PRMT9: variants seen among roughly 807,000 people sequenced by gnomAD.
PRMT9 encodes the protein protein arginine methyltransferase 9.
PRMT9 carries 59 observed loss-of-function variants against 83.2 expected under a neutral mutation model. That is an observed-to-expected ratio of 0.71 (90% CI 0.57 to 0.88). The LOEUF is 0.88. Ranked by LOEUF, PRMT9 falls within the 40% of genes least tolerant of loss-of-function variation. The probability of loss-of-function intolerance (pLI) is 0.00; values close to 1 mark genes in which losing one functional copy is unlikely to be tolerated. For synonymous variants in PRMT9, 333 were observed against 353.2 expected, an observed-to-expected ratio of 0.94 and a Z score of 0.64; for missense variants, 947 against 1,021.9, an observed-to-expected ratio of 0.93 and a Z score of 1.00.
rs1735510864 is a variant in PRMT9 at position 147,668,574 on chromosome 4, C to G, written c.918G>C (p.Met306Ile). The G allele has an allele frequency of 6.2e-7, 1 of 1,610,902 alleles. No individual in the cohort carries two copies. The highest frequency in any genetic ancestry group is 1.1e-5 in the South Asian group (1 of 91,034). ...TTCTTATCTCTGCACATTCTACTGCCATCCCAAATATAACAGCACTTGCTG... is the reference window on the plus strand; with the variant it reads ...TTCTTATCTCTGCACATTCTACTGCGATCCCAAATATAACAGCACTTGCTG... Reference protein sequence around the residue: ...VIPASAVIFGMAVECAEIRRH... With the variant: ...VIPASAVIFGIAVECAEIRRH... The change falls in exon 6 of 12, where the codon ATG (methionine) becomes ATC (isoleucine). Residue 306 changes from methionine to isoleucine, a missense_variant. Transcript: ENST00000322396.
chr4:147,660,848 GA>G lies in PRMT9; in HGVS notation c.1143del (p.Gln382ArgfsTer3), dbSNP rs767264426. 6.2e-7 allele frequency: 1 copy of G among 1,608,288 alleles called. No individual in the cohort carries two copies. Among genetic ancestry groups the G allele is most frequent in the Non-Finnish European group, 8.5e-7 (1 of 1,175,032 alleles). On this transcript the variant is annotated frameshift_variant, in exon 7 of 12. Coordinates refer to ENST00000322396, the MANE Select transcript of PRMT9 (RefSeq NM_138364.4). LOFTEE classifies it high-confidence loss of function. ...AATAGTAACTGAATTTTTTTCACCT[GA>G]AGGTTGTTGAAATCTACTGTCATAA... Reference protein sequence around the residue: ...FEIMTVDFNNLQELKSLATKK... With the variant: ...FEIMTVDFNNXQELKSLATKK...
intron 1 of PRMT9, among the ~76,000 whole-genome samples, chr4:147,681,602 C>G (rs570797586): frequency 5.9e-5 from 9 of 152,146 alleles, no homozygotes; most frequent in African/African-American, 2.2e-4. Context: ...GCATGGCCAA[C>G]ACGGTGAAAC....
intron 6 of PRMT9, among the ~76,000 whole-genome samples, chr4:147,664,271 G>A (rs1735168846): frequency 6.6e-6 from 1 of 152,210 alleles, no homozygotes; most frequent in African/African-American, 2.4e-5. Context: ...TTGAGCCACT[G>A]TGCTCCAACC....
At chr4:147,650,536 GAC>G (rs1481290624) in intron 9 of PRMT9, among the ~76,000 whole-genome samples, 2 of 152,222 alleles carry the variant, frequency 1.3e-5, no homozygotes, top group East Asian at 3.9e-4. Flanking sequence ...AAAATTTAAA[GAC>G]ACAGATGAAT....
chr4:147,668,655 A>C lies in PRMT9; in HGVS notation c.847-10T>G. 2 of 1,462,466 alleles carry C rather than the reference A, an allele frequency of 1.4e-6. No individual in the cohort carries two copies. The highest frequency in any genetic ancestry group is 2.3e-5 in the East Asian group (1 of 44,176). The allele number at this position is 1,462,466 out of a possible 1,614,324, so 90.6% of individuals were successfully genotyped here. Reference sequence around the variant, plus strand: ...CACTTTCACCTTTGGTCTAAAAAAAATAACAATAAGAATTATGTTATCACA... The same window carrying C: ...CACTTTCACCTTTGGTCTAAAAAAACTAACAATAAGAATTATGTTATCACA... On this transcript the variant is annotated splice_polypyrimidine_tract_variant and intron_variant, in intron 5 of 11. Coordinates refer to ENST00000322396, the MANE Select transcript of PRMT9 (RefSeq NM_138364.4).
In PRMT9 at chr4:147,683,894, C is replaced by A; in HGVS notation, c.94G>T (p.Ala32Ser). 6.2e-7 allele frequency: 1 copy of A among 1,613,634 alleles called. No individual in the cohort carries two copies. Among genetic ancestry groups the A allele is most frequent in the Non-Finnish European group, 8.5e-7 (1 of 1,179,978 alleles). The change falls in exon 1 of 12, where the codon GCA (alanine) becomes TCA (serine). Residue 32 changes from alanine to serine, a missense_variant. Ala to Ser is a moderately conservative substitution (Grantham distance 99, BLOSUM62 1). Coordinates refer to ENST00000322396, the MANE Select transcript of PRMT9 (RefSeq NM_138364.4). ...DELVSRSLQS[A>S]EHCLGVQDFG... The stretch of plus-strand genomic sequence containing the variant: ...TCCTGGACGCCCAGACAGTGCTCTG[C>A]GCTCTGCAAGGACCGCGACACCAGC...
rs866338815 is a variant in PRMT9, at chr4:147,654,122, G to A, written c.1775C>T (p.Ser592Phe). The change falls in exon 9 of 12, where the codon TCT (serine) becomes TTT (phenylalanine). Residue 592 changes from serine (S) to phenylalanine (F), a missense_variant. Coordinates refer to ENST00000322396, the MANE Select transcript of PRMT9 (RefSeq NM_138364.4). The stretch of plus-strand genomic sequence containing the variant: ...TGTGCCAGCAATAACAGGCAGAACA[G>A]AGAAGCCTTCGGACACATCTAACAC... ...FYVLDVSEGF[S>F]VLPVIAGTLG... 6.2e-7 allele frequency: 1 copy of A among 1,614,220 alleles called. No homozygotes were observed.
rs1432501057 is a variant in PRMT9 at position 147,673,645 on chromosome 4, T to C, written c.568A>G (p.Ile190Val). 7 of 1,594,162 alleles carry C rather than the reference T, an allele frequency of 4.4e-6. No homozygotes were observed. Among genetic ancestry groups the C allele is most frequent in the Non-Finnish European group, 6.0e-6 (7 of 1,161,758 alleles). The change falls in exon 3 of 12, where the codon ATA becomes GTA. Residue 190 changes from isoleucine to valine, a missense_variant. Coordinates refer to ENST00000322396, the MANE Select transcript of PRMT9 (RefSeq NM_138364.4). ...SVLDIGAGTG[I>V]LSMFAKKAGA... ...AATGCAATTACTACCAACCTTAGTATTCCAGTTCCTGCTCCAATGTCCAAA... is the reference window on the plus strand; with the variant it reads ...AATGCAATTACTACCAACCTTAGTACTCCAGTTCCTGCTCCAATGTCCAAA...
Position 147,654,443 on chromosome 4 carries a change from G to T in PRMT9, c.1454C>A (p.Thr485Asn), listed in dbSNP as rs1276629655. 14 of 1,613,836 alleles carry T rather than the reference G, an allele frequency of 8.7e-6. No homozygotes were observed. Among genetic ancestry groups the T allele is most frequent in the Non-Finnish European group, 1.1e-5 (13 of 1,180,004 alleles). Residue 485 changes from threonine (T) to asparagine (N), a missense_variant, in exon 9 of 12, where the codon ACC becomes AAC. Coordinates refer to ENST00000322396, the MANE Select transcript of PRMT9 (RefSeq NM_138364.4). ...TAACGATAACAAGTCTTTATTCTGG[G>T]TAAAACTTTTTGCAACATCCATTTC... is the stretch of plus-strand genomic sequence containing the variant. ...ECEMDVAKSFTQNKDLLSLGN... is the reference protein window; with the variant it reads ...ECEMDVAKSFNQNKDLLSLGN...
In PRMT9 at chr4:147,673,006, T is replaced by G; in HGVS notation, c.696A>C (p.Leu232Phe). 1 of 1,614,020 alleles carries G rather than the reference T, an allele frequency of 6.2e-7. No homozygotes were observed. Among genetic ancestry groups the G allele is most frequent in the Non-Finnish European group, 8.5e-7 (1 of 1,179,902 alleles). ...ANKMEAGIKLLHTKSLDIEIP... is the reference protein window; with the variant it reads ...ANKMEAGIKLFHTKSLDIEIP... ...TCTCTATGTCAAGTGACTTCGTATG[T>G]AAGAGTTTGATCCCTGCTTCCATCT... The change falls in exon 4 of 12, where the codon TTA becomes TTC. Residue 232 changes from leucine (L) to phenylalanine (F), a missense_variant. By Grantham distance (22) the Leu-to-Phe change is conservative. Coordinates refer to ENST00000322396, the MANE Select transcript of PRMT9 (RefSeq NM_138364.4).
At chr4:147,661,707 G>C (rs1325459253) in intron 6 of PRMT9, among the ~76,000 whole-genome samples, 2 of 145,826 alleles carry the variant, frequency 1.4e-5, no homozygotes, top group African/African-American at 5.1e-5. Context: ...GGAGAATGCA[G>C]TGAACCCGGA....
At chr4:147,644,016 A>G (rs1241249998) in intron 9 of PRMT9, among the ~76,000 whole-genome samples, 1 of 152,208 alleles carries the variant, frequency 6.6e-6, no homozygotes, top group African/African-American at 2.4e-5. Context: ...CAGAAACAAA[A>G]AAGCTACAAA....
chr4:147,674,336 A>T (rs955399070), intron 2 of PRMT9, among the ~76,000 whole-genome samples: 1 of 152,192 alleles, frequency 6.6e-6, no homozygotes, highest in Non-Finnish European at 1.5e-5. Flanking sequence ...ATAATTACGT[A>T]TTTTAACTAA....
intron 2 of PRMT9, among the ~76,000 whole-genome samples, chr4:147,678,902 C>T (rs1166984968): frequency 1.3e-5 from 2 of 152,170 alleles, no homozygotes; most frequent in African/African-American, 4.8e-5. Flanking sequence ...TTACCCTTTG[C>T]AAATTTTGCT....
chr4:147,644,758 C>T (rs1171339269), intron 9 of PRMT9, among the ~76,000 whole-genome samples: 1 of 152,108 alleles, frequency 6.6e-6, no homozygotes, highest in African/African-American at 2.4e-5. Flanking sequence ...AGGCAGCTTC[C>T]ACACCTACCT....
chr4:147,681,412 ATCATC>A (rs1394807986), intron 1 of PRMT9, among the ~76,000 whole-genome samples: 2 of 152,224 alleles, frequency 1.3e-5, no homozygotes, highest in Non-Finnish European at 2.9e-5. Context: ...AACATTTTAA[ATCATC>A]TTCACATATT....
chr4:147,656,792 A>AG (rs1553992442), intron 8 of PRMT9, among the ~76,000 whole-genome samples: 63 of 149,182 alleles, frequency 4.2e-4, no homozygotes, highest in Non-Finnish European at 7.4e-4. Context: ...AAAAAAAAAA[A>AG]AAAGAAAGAA....
chr4:147,641,725 G>A (rs1233321730), intron 10 of PRMT9, among the ~76,000 whole-genome samples: 5 of 152,106 alleles, frequency 3.3e-5, no homozygotes, highest in Non-Finnish European at 5.9e-5. Flanking sequence ...GCAGTGTCGT[G>A]ATTTCAGCTT....
intron 7 of PRMT9, among the ~76,000 whole-genome samples, chr4:147,659,580 T>TTC (rs1245741012): frequency 5.6e-3 from 16 of 2,866 alleles, no homozygotes; most frequent in African/African-American, 7.5e-3. Flanking sequence ...CTTTCTTTTC[T>TTC]TTTTTTTTTT....
Sources: allele counts gnomAD v4.1 joint callset (sites outside exome capture counted in the v4.1 genomes callset), GRCh38; gene constraint gnomAD v4.1.1; transcripts MANE v1.5; gene names NCBI Gene and HGNC (gene_info 2026-07-23, HGNC 2026-07-21).